CSMD1: variants seen among roughly 807,000 people sequenced by gnomAD.
The protein encoded by CSMD1 is CUB and sushi domain-containing protein 1.
In CSMD1, 213 loss-of-function variants were observed where a neutral mutation model predicts 417.5. The ratio of observed to expected loss-of-function variants is 0.51; its 90% CI spans 0.46 to 0.57. The LOEUF is 0.57. Among genes scored for constraint, CSMD1 ranks in the 20% least tolerant of loss-of-function variants. The pLI is 0.00. For synonymous variants in CSMD1, 2,862 were observed against 1,736.8 expected, an observed-to-expected ratio of 1.65 and a Z score of -16.11; for missense variants, 6,923 against 4,529.7, an observed-to-expected ratio of 1.53 and a Z score of -15.17.
intron 3 of CSMD1, among the ~76,000 whole-genome samples, chr8:4,067,216 T>C (rs1402776510): frequency 6.6e-6 from 1 of 152,260 alleles, no homozygotes; most frequent in African/African-American, 2.4e-5. Context: ...TATCATCTTT[T>C]TTCTACATGA....
chr8:4,219,727 T>C (rs557890736), intron 3 of CSMD1, among the ~76,000 whole-genome samples: 18 of 152,322 alleles, frequency 1.2e-4, no homozygotes, highest in African/African-American at 2.9e-4. Context: ...GTCTTCACAA[T>C]GTAACTTGGT....
chr8:3,312,353 A>T (rs76991220), intron 23 of CSMD1, among the ~76,000 whole-genome samples: 1,980 of 152,262 alleles, frequency 0.013, 51 homozygotes, highest in African/African-American at 0.045. Context: ...TTTGCAAAAG[A>T]TCACTTAAGA....
chr8:3,057,167 C>A (rs1178518540), intron 49 of CSMD1, among the ~76,000 whole-genome samples: 2 of 151,962 alleles, frequency 1.3e-5, no homozygotes, highest in African/African-American at 4.8e-5. Flanking sequence ...TACACGCAAA[C>A]ACACACACAC....
chr8:3,641,986 G>C (rs149281375), intron 7 of CSMD1, among the ~76,000 whole-genome samples: 4 of 152,204 alleles, frequency 2.6e-5, no homozygotes, highest in Non-Finnish European at 4.4e-5. Flanking sequence ...GCAATCCTAA[G>C]AGATTAGCAG....
At chr8:4,666,374 G>A (rs1254090451) in intron 1 of CSMD1, among the ~76,000 whole-genome samples, 1 of 152,164 alleles carries the variant, frequency 6.6e-6, no homozygotes, top group Admixed American at 6.6e-5. Context: ...GAGTCAGTGT[G>A]AAAGTGAGTC....
At chr8:4,862,846 T>G (rs1202651312) in intron 1 of CSMD1, among the ~76,000 whole-genome samples, 5 of 151,936 alleles carry the variant, frequency 3.3e-5, no homozygotes, top group African/African-American at 9.7e-5. Context: ...CAAGTGTGAC[T>G]CCAAGTCTTA....
intron 3 of CSMD1, among the ~76,000 whole-genome samples, chr8:4,039,661 G>C (rs1040395276): frequency 3.3e-5 from 5 of 152,172 alleles, no homozygotes; most frequent in Non-Finnish European, 5.9e-5. Flanking sequence ...ATCAGAACTG[G>C]CTGAGAATAA....
intron 7 of CSMD1, among the ~76,000 whole-genome samples, chr8:3,685,737 T>C (rs1585074103): frequency 6.6e-6 from 1 of 152,084 alleles, no homozygotes; most frequent in Admixed American, 6.6e-5. Flanking sequence ...CTTTCTTTTT[T>C]TTTATAACAT....
intron 3 of CSMD1, among the ~76,000 whole-genome samples, chr8:4,166,070 A>G (rs906782798): frequency 1.3e-5 from 2 of 152,154 alleles, no homozygotes; most frequent in Non-Finnish European, 2.9e-5. Context: ...TGAATTCCCA[A>G]TCTTGCATTA....
chr8:4,146,593 CATTTTTTTTTTTTTTT>C (rs1183551899), intron 3 of CSMD1, among the ~76,000 whole-genome samples: 3 of 90,742 alleles, frequency 3.3e-5, no homozygotes, highest in South Asian at 3.6e-4. Context: ...TATATGGACA[CATTTTTTTTTTTTTTT>C]TTTTTTTTTT....
chr8:4,706,801 C>T (rs1474088054), intron 1 of CSMD1, among the ~76,000 whole-genome samples: 1 of 152,202 alleles, frequency 6.6e-6, no homozygotes, highest in South Asian at 2.1e-4. Flanking sequence ...AAAGACAGTG[C>T]TTGACTTGTG....
At chr8:2,996,858 T>C (rs986159088) in intron 54 of CSMD1, among the ~76,000 whole-genome samples, 2 of 152,346 alleles carry the variant, frequency 1.3e-5, no homozygotes, top group Middle Eastern at 3.4e-3. Flanking sequence ...GAAGAAAAGT[T>C]GTAGTTCAGG....
intron 18 of CSMD1, among the ~76,000 whole-genome samples, chr8:3,386,411 C>A (rs778861715): frequency 1.2e-4 from 18 of 152,150 alleles, no homozygotes; most frequent in Admixed American, 6.5e-5. Context: ...TCCCACACTT[C>A]CTGAGAGGGC....
intron 1 of CSMD1, among the ~76,000 whole-genome samples, chr8:4,901,864 T>C (rs765562074): frequency 1.3e-5 from 2 of 152,048 alleles, no homozygotes; most frequent in Non-Finnish European, 2.9e-5. Context: ...ATGACATATA[T>C]ATACACTTCC....
chr8:4,935,664 T>C (rs963659792), intron 1 of CSMD1, among the ~76,000 whole-genome samples: 2 of 152,220 alleles, frequency 1.3e-5, no homozygotes, highest in African/African-American at 4.8e-5. Context: ...CCATTGTAAC[T>C]AAAGAAACGA....
intron 5 of CSMD1, among the ~76,000 whole-genome samples, chr8:3,842,955 T>G (rs1803232094): frequency 6.6e-6 from 1 of 152,136 alleles, no homozygotes; most frequent in Non-Finnish European, 1.5e-5. Flanking sequence ...CTACAAAAAG[T>G]CAACATTAGC....
intron 18 of CSMD1, among the ~76,000 whole-genome samples, chr8:3,379,611 G>A (rs928807332): frequency 1.3e-5 from 2 of 152,150 alleles, no homozygotes; most frequent in African/African-American, 4.8e-5. Context: ...ACAACCAACT[G>A]ACCTTTGACA....
intron 25 of CSMD1, among the ~76,000 whole-genome samples, chr8:3,295,086 G>T (rs1312918057): frequency 6.6e-6 from 1 of 151,920 alleles, no homozygotes; most frequent in Admixed American, 6.6e-5. Context: ...CTTGACATGT[G>T]TGTGCTTGTA....
chr8:3,970,674 C>G (rs78351772), intron 5 of CSMD1, among the ~76,000 whole-genome samples: 3,215 of 152,238 alleles, frequency 0.021, 51 homozygotes, highest in Non-Finnish European at 0.03. Flanking sequence ...CACGTGGAAC[C>G]TCTAATAAAA....
Sources: gnomAD v4.1 joint callset for allele counts (sites outside exome capture counted in the v4.1 genomes callset) on GRCh38, gnomAD v4.1.1 for gene constraint, MANE v1.5 for transcripts, NCBI Gene and HGNC (gene_info 2026-07-23, HGNC 2026-07-21) for gene names.